ARMC9: variants seen among roughly 807,000 people sequenced by gnomAD.
The protein encoded by ARMC9 is lisH domain-containing protein ARMC9.
Under a neutral mutation model 107.0 loss-of-function variants are expected in ARMC9, and 94 were observed. The observed-to-expected ratio is 0.88, with a 90% confidence interval of 0.74 to 1.04. The LOEUF is 1.04. Ranked by LOEUF, ARMC9 falls within the 50% of genes least tolerant of loss-of-function variation. ARMC9 has a pLI of 0.00. For synonymous variants in ARMC9, 380 were observed against 396.9 expected, an observed-to-expected ratio of 0.96 and a Z score of 0.51; for missense variants, 942 against 1,030.1, an observed-to-expected ratio of 0.91 and a Z score of 1.17.
At chr2:231,343,520 C>G (rs62198968) in intron 20 of ARMC9, among the ~76,000 whole-genome samples, 488 of 152,116 alleles carry the variant, frequency 3.2e-3, no homozygotes, top group Non-Finnish European at 5.9e-3. Context: ...GTGCTAATAT[C>G]TTATGTAATT....
At chr2:231,334,916 T>C (rs1575118944) in intron 20 of ARMC9, among the ~76,000 whole-genome samples, 2 of 152,184 alleles carry the variant, frequency 1.3e-5, no homozygotes, top group South Asian at 2.1e-4. Flanking sequence ...CTGACCAAGA[T>C]AGAAGACGTT....
chr2:231,338,976 A>T (rs1430349066), intron 20 of ARMC9, among the ~76,000 whole-genome samples: 1 of 152,132 alleles, frequency 6.6e-6, no homozygotes, highest in Non-Finnish European at 1.5e-5. Flanking sequence ...TGATTAAAAA[A>T]CTTTGTTTTG....
intron 21 of ARMC9, among the ~76,000 whole-genome samples, chr2:231,350,983 G>T (rs2045049854): frequency 1.1e-5 from 1 of 89,002 alleles, no homozygotes; most frequent in Non-Finnish European, 1.9e-5. Context: ...TTTTGAGACA[G>T]AGTCTCGCTC....
At position 231,331,809 on chromosome 2, in the gene ARMC9, T is replaced by C. The variant is rs1213615758; in HGVS notation, c.1790T>C (p.Met597Thr). ...DEDDEEDHDI[M>T]EADLDKDELI... ...CTGAAACAGGAGGACCATGACATCA[T>C]GGAAGCCGATCTGGACAAAGACGAA... is the stretch of plus-strand genomic sequence containing the variant. The change falls in exon 20 of 25, where the codon ATG becomes ACG. Residue 597 changes from methionine (M) to threonine (T), a missense_variant. Coordinates refer to ENST00000611582, the MANE Select transcript of ARMC9 (RefSeq NM_001352754.2). 2.5e-6 allele frequency: 4 copies of C among 1,613,942 alleles called. No homozygotes were observed. Among genetic ancestry groups the C allele is most frequent in the Non-Finnish European group, 3.4e-6 (4 of 1,179,884 alleles).
At chr2:231,313,051 C>T (rs1464051970) in intron 19 of ARMC9, among the ~76,000 whole-genome samples, 1 of 152,184 alleles carries the variant, frequency 6.6e-6, no homozygotes, top group African/African-American at 2.4e-5. Flanking sequence ...TCTACTCATT[C>T]TACCAGTTAC....
In ARMC9 at chr2:231,267,754, G is replaced by A. The variant is rs1290129541; in HGVS notation, c.1120-3228G>A. Among the ~76,000 whole-genome samples, 9 of 152,096 alleles carry A rather than the reference G, an allele frequency of 5.9e-5. No individual in the cohort carries two copies. In the South Asian group the frequency reaches 6.2e-4, roughly 10 times the overall value. On this transcript the variant is annotated intron_variant, in intron 12 of 24. Coordinates refer to ENST00000611582, the MANE Select transcript of ARMC9 (RefSeq NM_001352754.2). ...CAAATGCAGATAAGAGTCTGGGCTC[G>A]TTTCACCAGTCATTTTGTGCTCTGT...
chr2:231,209,962 G>A (rs1411345615), intron 3 of ARMC9, among the ~76,000 whole-genome samples: 1 of 152,192 alleles, frequency 6.6e-6, no homozygotes, highest in Non-Finnish European at 1.5e-5. Flanking sequence ...GGGATTATAG[G>A]CATGAGCCAC....
intron 19 of ARMC9, among the ~76,000 whole-genome samples, chr2:231,329,978 A>G (rs180834811): frequency 1.3e-5 from 2 of 152,180 alleles, no homozygotes; most frequent in Admixed American, 6.5e-5. Flanking sequence ...ACAAATGTTC[A>G]ATTTCTCCAG....
intron 6 of ARMC9, among the ~76,000 whole-genome samples, chr2:231,226,290 G>A (rs955276227): frequency 5.3e-5 from 8 of 152,246 alleles, no homozygotes; most frequent in African/African-American, 1.2e-4. Context: ...GCAGCCAGAC[G>A]TGTGGGAACT....
chr2:231,287,783 A>G (rs1310064053), intron 17 of ARMC9, among the ~76,000 whole-genome samples: 1 of 152,212 alleles, frequency 6.6e-6, no homozygotes, highest in Non-Finnish European at 1.5e-5. Flanking sequence ...GAAATTTTTC[A>G]TATTCTTGGC....
At chr2:231,306,535 C>T (rs1346795923) in intron 19 of ARMC9, among the ~76,000 whole-genome samples, 1 of 152,152 alleles carries the variant, frequency 6.6e-6, no homozygotes, top group Non-Finnish European at 1.5e-5. Context: ...CTGTTGGTCA[C>T]ATTAGTGCTA....
Position 231,343,229 on chromosome 2 carries a change from C to T in ARMC9, c.1879-1746C>T, listed in dbSNP as rs1279419516. 3.3e-5 allele frequency among the ~76,000 whole-genome samples: 5 copies of T among 151,588 alleles called. No individual in the cohort carries two copies. In the East Asian group the frequency reaches 9.7e-4, roughly 29 times the overall value. ...TACCCGGACCAGGGCAGGTTTTGAC[C>T]CCACCTGTCACTTCCCTGGCTGAGA... On this transcript the variant is annotated intron_variant, in intron 20 of 24. Transcript: ENST00000611582.
intron 19 of ARMC9, among the ~76,000 whole-genome samples, chr2:231,310,658 G>A (rs1256228742): frequency 2.0e-5 from 3 of 150,064 alleles, no homozygotes; most frequent in African/African-American, 4.9e-5. Context: ...TTGAACCCGG[G>A]GTAGGGGGGA....
intron 11 of ARMC9, among the ~76,000 whole-genome samples, chr2:231,261,896 C>G (rs558762384): frequency 6.6e-6 from 1 of 151,866 alleles, no homozygotes; most frequent in South Asian, 2.1e-4. Context: ...GATCTCGGCT[C>G]ACTGCAACCT....
intron 17 of ARMC9, among the ~76,000 whole-genome samples, chr2:231,287,149 C>T (rs1431846818): frequency 1.3e-5 from 2 of 152,226 alleles, no homozygotes; most frequent in Admixed American, 1.3e-4. Flanking sequence ...GAGGAATGTC[C>T]AAGCACACCA....
At chr2:231,208,649 C>T (rs974712380) in intron 3 of ARMC9, among the ~76,000 whole-genome samples, 1 of 152,162 alleles carries the variant, frequency 6.6e-6, no homozygotes, top group African/African-American at 2.4e-5. Context: ...TTGGAGGGAA[C>T]AGGGAGCAAG....
At chr2:231,313,423 T>C (rs2042467337) in intron 19 of ARMC9, among the ~76,000 whole-genome samples, 1 of 152,248 alleles carries the variant, frequency 6.6e-6, no homozygotes, top group African/African-American at 2.4e-5. Context: ...TCCGACAATC[T>C]GCCTTTGATT....
chr2:231,324,147 T>A (rs1245147884), intron 19 of ARMC9, among the ~76,000 whole-genome samples: 23 of 119,860 alleles, frequency 1.9e-4, no homozygotes, highest in Admixed American at 5.1e-4. Flanking sequence ...TTTTTTTTTG[T>A]GATGTAGTCT....
At chr2:231,200,795 A>G (rs1293689654) in intron 1 of ARMC9, among the ~76,000 whole-genome samples, 1 of 151,438 alleles carries the variant, frequency 6.6e-6, no homozygotes, top group East Asian at 1.9e-4. Context: ...AGATCCCGCC[A>G]CTGCACTCCA....
Sources: gnomAD v4.1 joint callset for allele counts (sites outside exome capture counted in the v4.1 genomes callset) on GRCh38, gnomAD v4.1.1 for gene constraint, MANE v1.5 for transcripts, NCBI Gene and HGNC (gene_info 2026-07-23, HGNC 2026-07-21) for gene names.